PARP4: variants seen among roughly 807,000 people sequenced by gnomAD.
PARP4 encodes protein mono-ADP-ribosyltransferase PARP4.
Under a neutral mutation model 187.7 loss-of-function variants are expected in PARP4, and 120 were observed. The observed-to-expected ratio is 0.64, with a 90% CI of 0.55 to 0.74. PARP4 has a LOEUF of 0.74. Ranked by LOEUF, PARP4 falls within the 30% of genes least tolerant of loss-of-function variation. PARP4 has a pLI of 0.00. For synonymous variants in PARP4, 654 were observed against 740.9 expected (o/e 0.88, Z 1.90); for missense variants, 1,836 against 2,070.5 (o/e 0.89, Z 2.20).
chr13:24,491,189 T>C (rs1428038540), intron 9 of PARP4, among the ~76,000 whole-genome samples: 1 of 151,998 alleles, frequency 6.6e-6, no homozygotes, highest in Non-Finnish European at 1.5e-5. Flanking sequence ...GGCATGATCT[T>C]GACTCACTGC....
chr13:24,440,334 G>A (rs1419774671), intron 30 of PARP4, among the ~76,000 whole-genome samples: 1 of 149,706 alleles, frequency 6.7e-6, no homozygotes, highest in Non-Finnish European at 1.5e-5. Context: ...GGAGGTAGAG[G>A]TTGCAGTGAA....
At chr13:24,501,855 T>A (rs1212807865) in intron 2 of PARP4, 21 bp from the exon 3 acceptor site, 1 of 1,370,222 alleles carries the variant, frequency 7.3e-7, no homozygotes, top group South Asian at 1.2e-5. Flanking sequence ...AAAGAGTCAA[T>A]CCATTATGCA....
chr13:24,442,312 TTATA>T (rs1361269739), intron 29 of PARP4, among the ~76,000 whole-genome samples: 3 of 152,260 alleles, frequency 2.0e-5, no homozygotes, highest in Non-Finnish European at 4.4e-5. Context: ...TGTAACAAAA[TTATA>T]GTATAACCGA....
chr13:24,512,576 C>G (rs1200883154), intron 1 of PARP4, 130 bp downstream of exon 1: 1 of 152,374 alleles, frequency 6.6e-6, no homozygotes, highest in African/African-American at 2.4e-5. Context: ...CTAGCAGCGC[C>G]GTCAGGCCCA....
At chr13:24,437,107 T>C (rs1200689063) in intron 30 of PARP4, among the ~76,000 whole-genome samples, 2 of 151,996 alleles carry the variant, frequency 1.3e-5, no homozygotes, top group Non-Finnish European at 1.5e-5. Flanking sequence ...AATCTGAGAA[T>C]TACTAGATTA....
At position 24,478,274 on chromosome 13, in the gene PARP4, G is replaced by A. The variant is rs549699124; in HGVS notation, c.1451C>T (p.Thr484Ile). The A allele has an allele frequency of 1.2e-5, 19 of 1,597,426 alleles. No individual in the cohort carries two copies. The East Asian group carries it at 3.4e-4, about 28-fold the overall frequency. Reference protein sequence around the residue: ...SGIYFSDSLSTSIKYSHPGET... With the variant: ...SGIYFSDSLSISIKYSHPGET... Reference sequence around the variant, plus strand: ...TCCCGGGTGTGAGTACTTGATACTTGTACTACATGCGAAAGGAAATAAACA... The same window carrying A: ...TCCCGGGTGTGAGTACTTGATACTTATACTACATGCGAAAGGAAATAAACA... Residue 484 changes from threonine (T) to isoleucine (I), a missense_variant and splice_region_variant, in exon 13 of 34, where the codon ACA (threonine) becomes ATA (isoleucine). Around this residue, in one of 8 missense-constraint regions of PARP4, gnomAD observed 1,147 missense variants for 1,214.2 expected, o/e 0.94. Transcript: ENST00000381989.
At chr13:24,482,746 C>T (rs1873345362) in intron 12 of PARP4, among the ~76,000 whole-genome samples, 1 of 152,132 alleles carries the variant, frequency 6.6e-6, no homozygotes, top group African/African-American at 2.4e-5. Flanking sequence ...ATGTGTGTGA[C>T]TCACTTTATT....
intron 24 of PARP4, chr13:24,452,166 C>T (rs1454606682): frequency 1.6e-5 from 7 of 424,520 alleles, no homozygotes; most frequent in Non-Finnish European, 2.5e-5. Flanking sequence ...TTTTCATTAT[C>T]ACCTTGGTTT....
At chr13:24,467,605 A>G (rs1368158673) in intron 17 of PARP4, among the ~76,000 whole-genome samples, 5 of 152,158 alleles carry the variant, frequency 3.3e-5, no homozygotes, top group Non-Finnish European at 5.9e-5. Context: ...CCTGGTATAT[A>G]TGGTATTTAT....
At chr13:24,467,799 T>C (rs947211832) in intron 17 of PARP4, among the ~76,000 whole-genome samples, 4 of 152,164 alleles carry the variant, frequency 2.6e-5, no homozygotes, top group African/African-American at 9.7e-5. Context: ...ATGTAAGTAT[T>C]AAGGAGGAAA....
At chr13:24,426,410 AT>A (rs1289693686) in intron 33 of PARP4, 55 bp downstream of exon 33, 3 of 1,334,898 alleles carry the variant, frequency 2.2e-6, no homozygotes, top group Non-Finnish European at 3.2e-6. Context: ...TCTAAGGTTT[AT>A]TAAATAAATA....
intron 6 of PARP4, among the ~76,000 whole-genome samples, chr13:24,497,510 C>A (rs1443667225): frequency 6.6e-6 from 1 of 152,168 alleles, no homozygotes; most frequent in Non-Finnish European, 1.5e-5. Context: ...ATGCTATACA[C>A]CCTGCACCCA....
At chr13:24,494,497 C>G (rs1593647513) in intron 7 of PARP4, 76 bp downstream of exon 7, 1 of 1,360,526 alleles carries the variant, frequency 7.4e-7, no homozygotes, top group East Asian at 2.5e-5. Flanking sequence ...CTGGCCCAGT[C>G]TTTTATTTGT....
chr13:24,490,892 C>T (rs1421748055), intron 9 of PARP4, 64 bp from the exon 10 acceptor site: 1 of 1,336,054 alleles, frequency 7.5e-7, no homozygotes, highest in Non-Finnish European at 1.0e-6. Flanking sequence ...ATTTATATCA[C>T]ATTAACACTT....
At chr13:24,506,088 G>A (rs1301051944) in intron 1 of PARP4, among the ~76,000 whole-genome samples, 1 of 152,192 alleles carries the variant, frequency 6.6e-6, no homozygotes, top group Non-Finnish European at 1.5e-5. Context: ...CAAAAACGAA[G>A]CTGCCTGGAC....
chr13:24,466,469 C>T lies in PARP4; in HGVS notation c.2133+2555G>A, dbSNP rs575869156. ...GTGTTAGGATTACAGGTATGAGCTA[C>T]CACACCTGGCCAACAATCAAAACTT... On this transcript the variant is annotated intron_variant, in intron 17 of 33. Coordinates refer to ENST00000381989, the MANE Select transcript of PARP4 (RefSeq NM_006437.4). 4.6e-5 allele frequency among the ~76,000 whole-genome samples: 7 copies of T among 152,216 alleles called. No individual in the cohort carries two copies. The South Asian group carries it at 1.0e-3, about 23-fold the overall frequency.
In PARP4 at chr13:24,501,691, A is replaced by G. The variant is rs2137544296; in HGVS notation, c.276T>C (p.Tyr92=). The change falls in exon 3 of 34, where the codon TAT becomes TAC. Residue 92 remains tyrosine, a synonymous_variant. Transcript: ENST00000381989. The part of the protein sequence containing the change: ...REKRLLDVKN[Y]DPYKPLDITP... ...TGATGTCCAGGGGCTTATAAGGATCATAATTCTTTACATCCAAGAGTCTCT... is the reference window on the plus strand; with the variant it reads ...TGATGTCCAGGGGCTTATAAGGATCGTAATTCTTTACATCCAAGAGTCTCT... The G allele has an allele frequency of 8.7e-6, 14 of 1,613,636 alleles. No homozygotes were observed. Among genetic ancestry groups the G allele is most frequent in the Admixed American group, 1.7e-5 (1 of 60,020 alleles).
At chr13:24,506,020 G>A (rs1357320887) in intron 1 of PARP4, among the ~76,000 whole-genome samples, 2 of 152,210 alleles carry the variant, frequency 1.3e-5, no homozygotes, top group African/African-American at 4.8e-5. Context: ...ACAGGCCAGA[G>A]GCCCCACCCT....
At chr13:24,424,817 A>G (rs986925168) in intron 33 of PARP4, among the ~76,000 whole-genome samples, 14 of 147,314 alleles carry the variant, frequency 9.5e-5, no homozygotes, top group African/African-American at 3.5e-4. Flanking sequence ...GACTACAGGC[A>G]CCCGCCATCA....
Sources: allele counts gnomAD v4.1 joint callset (sites outside exome capture counted in the v4.1 genomes callset), GRCh38; gene constraint gnomAD v4.1.1; regional missense constraint gnomAD v4.1.1; transcripts MANE v1.5; gene names NCBI Gene and HGNC (gene_info 2026-07-23, HGNC 2026-07-21).